The following C6 variants were observed in gnomAD, a reference collection of about 807,000 sequenced individuals.
The protein encoded by C6 is complement C6.
A neutral mutation model predicts 112.9 loss-of-function variants in C6; 101 were observed. The observed-to-expected ratio is 0.89, with a 90% CI of 0.76 to 1.06. The LOEUF (loss-of-function observed/expected upper bound fraction) is 1.06, where lower values mean the gene tolerates loss of function less well. Among genes scored for constraint, C6 ranks in the 50% least tolerant of loss-of-function variants. The pLI is 0.00. For missense variants in C6, 1,202 were observed against 1,104.6 expected, an observed-to-expected ratio of 1.09 and a Z score of -1.25; for synonymous variants, 431 against 384.1, an observed-to-expected ratio of 1.12 and a Z score of -1.43.
chr5:41,200,891 G>GTTTTGTTTTTTTTTT (rs1554029750), intron 3 of C6, among the ~76,000 whole-genome samples: 20 of 70,670 alleles, frequency 2.8e-4, no homozygotes, highest in Non-Finnish European at 3.9e-4. Context: ...TGTTGTTGTT[G>GTTTTGTTTTTTTTTT]TTTTTTTTTT....
intron 2 of C6, among the ~76,000 whole-genome samples, chr5:41,202,792 T>A (rs1466220048): frequency 6.6e-6 from 1 of 151,982 alleles, no homozygotes; most frequent in Non-Finnish European, 1.5e-5. Context: ...GCAAGCAAAG[T>A]TGTATGCTGA....
intron 1 of C6, among the ~76,000 whole-genome samples, chr5:41,236,577 G>A (rs1181360305): frequency 9.0e-6 from 1 of 110,864 alleles, no homozygotes; most frequent in African/African-American, 3.6e-5. Flanking sequence ...ATTCAAAGCA[G>A]TGTGTAGAGG....
intron 17 of C6, among the ~76,000 whole-genome samples, chr5:41,147,192 A>G (rs1745909964): frequency 6.6e-6 from 1 of 152,240 alleles, no homozygotes; most frequent in Non-Finnish European, 1.5e-5. Context: ...GCTCTTTTCT[A>G]TCACAGATTA....
chr5:41,204,969 C>A (rs1751321293), intron 1 of C6, among the ~76,000 whole-genome samples: 1 of 152,080 alleles, frequency 6.6e-6, no homozygotes, highest in African/African-American at 2.4e-5. Context: ...AACTCTTCTA[C>A]AAGCTCAAAG....
intron 1 of C6, among the ~76,000 whole-genome samples, chr5:41,226,734 T>C (rs1739533349): frequency 6.6e-6 from 1 of 152,012 alleles, no homozygotes; most frequent in South Asian, 2.1e-4. Context: ...TGTCTTATTT[T>C]ATTTAGTGTA....
intron 5 of C6, among the ~76,000 whole-genome samples, chr5:41,189,124 A>G (rs1750002993): frequency 6.6e-6 from 1 of 152,062 alleles, no homozygotes; most frequent in Non-Finnish European, 1.5e-5. Flanking sequence ...GATGAACAGA[A>G]ACAGTTTTGA....
intron 1 of C6, among the ~76,000 whole-genome samples, chr5:41,248,779 TCAAAA>T (rs1458128951): frequency 6.6e-6 from 1 of 152,146 alleles, no homozygotes; most frequent in Admixed American, 6.5e-5. Context: ...CTCAAAGAAC[TCAAAA>T]CAGAACTACC....
In C6 at chr5:41,176,451, A is replaced by G. The variant is rs200635307; in HGVS notation, c.1168+24T>C. ...TTGCATGCTATCATACCAGTTAAAA[A>G]GAGTGAGGACTGAAGAAAGTTACCT... On this transcript the variant is annotated intron_variant, in intron 8 of 17. Transcript: ENST00000337836. The G allele has an allele frequency of 1.2e-4, 198 of 1,610,830 alleles. 1 individual carries two copies. In the East Asian group the frequency reaches 4.1e-3, roughly 33 times the overall value.
rs71278697 is a variant in C6 at position 41,184,140 on chromosome 5, GA to G, written c.726+1929del. Among the ~76,000 whole-genome samples the G allele has an allele frequency of 3.8e-3, 554 of 147,148 alleles. 2 individuals carry two copies. Among genetic ancestry groups the G allele is most frequent in the African/African-American group, 0.013 (511 of 39,970 alleles). On this transcript the variant is annotated intron_variant, in intron 6 of 17. Coordinates refer to ENST00000337836, the MANE Select transcript of C6 (RefSeq NM_000065.5). Reference sequence around the variant, plus strand: ...TGAATCTAAAATGAAAGTTGAAAAAGAAAAAAAAAAATCTATGTTTCACAAT... The same window carrying G: ...TGAATCTAAAATGAAAGTTGAAAAAGAAAAAAAAAATCTATGTTTCACAAT...
Position 41,242,019 on chromosome 5 carries a change from T to A in C6, c.-21+19175A>T, listed in dbSNP as rs142624513. Among the ~76,000 whole-genome samples, 9 of 152,278 alleles carry A rather than the reference T, an allele frequency of 5.9e-5. No individual in the cohort carries two copies. In the East Asian group the frequency reaches 1.7e-3, roughly 29 times the overall value. The stretch of plus-strand genomic sequence containing the variant: ...GCTTAAGTTTGAGCTCATTATATAG[T>A]TACCTTGAATAATATTAATTGAAAA... On this transcript the variant is annotated intron_variant, in intron 1 of 17. Transcript: ENST00000263413.
intron 1 of C6, among the ~76,000 whole-genome samples, chr5:41,258,144 G>T (rs993198908): frequency 6.6e-6 from 1 of 151,926 alleles, no homozygotes; most frequent in Non-Finnish European, 1.5e-5. Context: ...CATAGTCTTG[G>T]TATTATCTAA....
At chr5:41,229,465 C>T (rs1366164199) in intron 1 of C6, among the ~76,000 whole-genome samples, 1 of 151,728 alleles carries the variant, frequency 6.6e-6, no homozygotes, top group African/African-American at 2.4e-5. Flanking sequence ...GTTTAATTTA[C>T]ACATATTTAT....
intron 17 of C6, among the ~76,000 whole-genome samples, chr5:41,145,932 C>T (rs1161753971): frequency 3.3e-5 from 5 of 152,190 alleles, no homozygotes; most frequent in African/African-American, 1.2e-4. Context: ...AAAGACCCTT[C>T]CCACCACCTC....
chr5:41,253,880 G>A (rs142327981), intron 1 of C6, among the ~76,000 whole-genome samples: 1 of 152,310 alleles, frequency 6.6e-6, no homozygotes, highest in East Asian at 1.9e-4. Flanking sequence ...GTATGCAACA[G>A]TGAAAAAATA....
chr5:41,177,027 G>T (rs1748916406), intron 7 of C6, among the ~76,000 whole-genome samples: 1 of 152,168 alleles, frequency 6.6e-6, no homozygotes, highest in Non-Finnish European at 1.5e-5. Context: ...AATCATGGCT[G>T]CATTTCTACT....
chr5:41,239,301 G>A (rs1740548201), intron 1 of C6, among the ~76,000 whole-genome samples: 1 of 151,520 alleles, frequency 6.6e-6, no homozygotes, highest in South Asian at 2.1e-4. Flanking sequence ...TAGTAGAGAT[G>A]GGATTTTGCC....
intron 9 of C6, among the ~76,000 whole-genome samples, chr5:41,163,802 T>A (rs1401286183): frequency 6.6e-6 from 1 of 152,224 alleles, no homozygotes; most frequent in Admixed American, 6.6e-5. Context: ...CAAAAAATTT[T>A]AAAAATGATA....
rs775867378 is a variant in C6, at chr5:41,155,065, T to G, written c.2008A>C (p.Ile670Leu). 6.2e-7 allele frequency: 1 copy of G among 1,613,722 alleles called. No homozygotes were observed. Among genetic ancestry groups the G allele is most frequent in the South Asian group, 1.1e-5 (1 of 91,082 alleles). ...QLYLVGEDVE[I>L]SCLTGFETVG... ...GTTTCAAAGCCAGTAAGGCATGAAA[T>G]TTCAACATCTTCTCCAACCAAGTAT... Residue 670 changes from isoleucine to leucine, a missense_variant, in exon 14 of 18, where the codon ATT becomes CTT. Transcript: ENST00000337836.
intron 1 of C6, among the ~76,000 whole-genome samples, chr5:41,255,648 G>C (rs1741649048): frequency 6.6e-6 from 1 of 152,064 alleles, no homozygotes; most frequent in Admixed American, 6.6e-5. Flanking sequence ...GCCCTGATTG[G>C]CTTTTGATTT....
Sources: allele counts gnomAD v4.1 joint callset (sites outside exome capture counted in the v4.1 genomes callset), GRCh38; gene constraint gnomAD v4.1.1; transcripts MANE v1.5; gene names NCBI Gene and HGNC (gene_info 2026-07-23, HGNC 2026-07-21).